The following MAD1L1 variants were observed in gnomAD, a reference collection of about 807,000 sequenced individuals.
MAD1L1 encodes mitotic spindle assembly checkpoint protein MAD1.
In MAD1L1, 95 loss-of-function variants were observed where a neutral mutation model predicts 96.9. That is an observed-to-expected ratio of 0.98 (90% confidence interval 0.83 to 1.16). MAD1L1 has a LOEUF of 1.16. Ranked by LOEUF, MAD1L1 falls within the 50% of genes most tolerant of loss-of-function variation. The pLI, the probability that MAD1L1 is intolerant of heterozygous loss-of-function variation, is 0.00. For missense variants in MAD1L1, 1,007 were observed against 954.4 expected, an observed-to-expected ratio of 1.06 and a Z score of -0.73; for synonymous variants, 473 against 396.6, an observed-to-expected ratio of 1.19 and a Z score of -2.29.
intron 12 of MAD1L1, among the ~76,000 whole-genome samples, chr7:2,038,269 G>C (rs1001911592): frequency 3.3e-5 from 5 of 152,098 alleles, no homozygotes; most frequent in African/African-American, 1.2e-4. Flanking sequence ...AAAGTACAAG[G>C]TGAAGCCGCA....
intron 11 of MAD1L1, among the ~76,000 whole-genome samples, chr7:2,071,406 G>A (rs775112860): frequency 1.3e-5 from 2 of 152,186 alleles, no homozygotes. Flanking sequence ...TCCAGGACGC[G>A]GGCGTCTCAT....
At chr7:1,950,564 G>C (rs1473818486) in intron 16 of MAD1L1, among the ~76,000 whole-genome samples, 1 of 152,228 alleles carries the variant, frequency 6.6e-6, no homozygotes. Flanking sequence ...CAGAAGGGTT[G>C]GACAACAGTG....
intron 17 of MAD1L1, among the ~76,000 whole-genome samples, chr7:1,901,214 C>T (rs535922486): frequency 1.4e-3 from 207 of 152,328 alleles, no homozygotes; most frequent in African/African-American, 4.9e-3. Context: ...CCCTGTAGTT[C>T]AGTGGCTTAC....
chr7:1,931,167 G>A (rs1329337523), intron 17 of MAD1L1, among the ~76,000 whole-genome samples: 2 of 109,898 alleles, frequency 1.8e-5, no homozygotes, highest in Admixed American at 8.8e-5. Context: ...CCCCACGCAC[G>A]GTCACAGGAG....
chr7:1,937,172 T>C (rs1273078869), intron 16 of MAD1L1, among the ~76,000 whole-genome samples: 1 of 152,174 alleles, frequency 6.6e-6, no homozygotes, highest in African/African-American at 2.4e-5. Context: ...AGAGGGGACA[T>C]GCGGCCTTTG....
chr7:1,885,442 A>T (rs1785951317), intron 18 of MAD1L1, among the ~76,000 whole-genome samples: 1 of 152,060 alleles, frequency 6.6e-6, no homozygotes, highest in African/African-American at 2.4e-5. Context: ...GGCAGAGGCC[A>T]GTGCACTCAG....
At chr7:1,825,976 C>A (rs937727747) in intron 18 of MAD1L1, among the ~76,000 whole-genome samples, 2 of 152,136 alleles carry the variant, frequency 1.3e-5, no homozygotes, top group African/African-American at 2.4e-5. Context: ...GGTTGGAGGT[C>A]GGCGCGGCCC....
intron 14 of MAD1L1, among the ~76,000 whole-genome samples, chr7:1,982,652 T>C (rs963914799): frequency 1.3e-5 from 2 of 152,236 alleles, no homozygotes; most frequent in Non-Finnish European, 2.9e-5. Context: ...GAGGGACGAT[T>C]TTCCAATTTT....
chr7:2,083,112 C>T (rs575261317), intron 11 of MAD1L1, among the ~76,000 whole-genome samples: 12 of 152,308 alleles, frequency 7.9e-5, no homozygotes, highest in Non-Finnish European at 1.3e-4. Context: ...CGCTGTCACT[C>T]GACCAATAAA....
intron 18 of MAD1L1, among the ~76,000 whole-genome samples, chr7:1,822,442 A>T (rs1408372224): frequency 1.4e-5 from 2 of 140,584 alleles, no homozygotes; most frequent in African/African-American, 5.2e-5. Context: ...ATATATATAT[A>T]TTTTTTTTTT....
At chr7:1,824,343 C>T (rs997741935) in intron 18 of MAD1L1, among the ~76,000 whole-genome samples, 2 of 124,548 alleles carry the variant, frequency 1.6e-5, no homozygotes, top group Admixed American at 7.7e-5. Context: ...CTGGGCACAC[C>T]GACACACCTC....
intron 12 of MAD1L1, among the ~76,000 whole-genome samples, chr7:2,022,158 T>C (rs548756415): frequency 2.0e-5 from 3 of 152,198 alleles, no homozygotes; most frequent in Admixed American, 6.5e-5. Flanking sequence ...GGACGATTGT[T>C]TGAAGTATAG....
chr7:1,834,593 A>G (rs2128628931), intron 18 of MAD1L1, among the ~76,000 whole-genome samples: 1 of 152,392 alleles, frequency 6.6e-6, no homozygotes, highest in South Asian at 2.1e-4. Context: ...GACAATGTGA[A>G]TAACTCTATG....
At chr7:1,849,045 T>C (rs1033622818) in intron 18 of MAD1L1, 1 of 94,256 alleles carries the variant, frequency 1.1e-5, no homozygotes, top group African/African-American at 4.7e-5. Context: ...CGGGTGTACA[T>C]GTACACACAC....
At chr7:2,188,191 T>C (rs1489688970) in intron 10 of MAD1L1, among the ~76,000 whole-genome samples, 2 of 152,236 alleles carry the variant, frequency 1.3e-5, no homozygotes, top group African/African-American at 4.8e-5. Flanking sequence ...TTTGAAAAGA[T>C]TATTCCGTAC....
intron 11 of MAD1L1, among the ~76,000 whole-genome samples, chr7:2,144,079 G>A (rs1348334966): frequency 1.3e-5 from 2 of 152,222 alleles, no homozygotes; most frequent in African/African-American, 4.8e-5. Flanking sequence ...AGGGACCCAG[G>A]AGCCACCTGC....
intron 11 of MAD1L1, among the ~76,000 whole-genome samples, chr7:2,096,184 A>G (rs995299932): frequency 1.3e-5 from 2 of 152,244 alleles, no homozygotes; most frequent in African/African-American, 4.8e-5. Flanking sequence ...GAGGACAGGG[A>G]GGGTCCTGAG....
At chr7:1,838,258 G>A (rs2128630805) in intron 18 of MAD1L1, among the ~76,000 whole-genome samples, 1 of 152,324 alleles carries the variant, frequency 6.6e-6, no homozygotes, top group South Asian at 2.1e-4. Context: ...GGGAGAAGCT[G>A]GGAGAACAGG....
Position 2,069,281 on chromosome 7 carries a change from G to A in MAD1L1, c.1131C>T (p.Ser377=), listed in dbSNP as rs764552432. The part of the protein sequence containing the change: ...QQLQEELRQV[S]GQLLEERKKR... ...TCTTCCTCTCCTCCAACAGCTGGCC[G>A]CTGACCTGCCGGAGCTCCTCCTGCA... The change falls in exon 12 of 19, where the codon AGC becomes AGT. Residue 377 remains serine (S), a synonymous_variant. Coordinates refer to ENST00000265854, the MANE Select transcript of MAD1L1 (RefSeq NM_001013836.2). 15 of 1,610,408 alleles carry A rather than the reference G, an allele frequency of 9.3e-6. No homozygotes were observed. The highest frequency in any genetic ancestry group is 1.7e-4 in the Middle Eastern group (1 of 5,868).
Sources: gnomAD v4.1 joint callset for allele counts (sites outside exome capture counted in the v4.1 genomes callset) on GRCh38, gnomAD v4.1.1 for gene constraint, MANE v1.5 for transcripts, NCBI Gene and HGNC (gene_info 2026-07-23, HGNC 2026-07-21) for gene names.